Variants in FRMD6 observed in about 807,000 individuals in gnomAD.
FRMD6 encodes the protein FERM domain containing 6.
In FRMD6, 37 loss-of-function variants were observed where a neutral mutation model predicts 73.2. The ratio of observed to expected loss-of-function variants is 0.51; its 90% CI spans 0.39 to 0.66. FRMD6 has a LOEUF of 0.66. FRMD6 is among the 30% of genes least tolerant of loss of function. The pLI, the probability that FRMD6 is intolerant of heterozygous loss-of-function variation, is 0.00. For missense variants in FRMD6, 714 were observed against 780.5 expected (o/e 0.91, Z 1.02); for synonymous variants, 273 against 282.2 (o/e 0.97, Z 0.33).
intron 1 of FRMD6, among the ~76,000 whole-genome samples, chr14:51,493,664 C>T (rs376688186): frequency 6.0e-4 from 92 of 152,184 alleles, no homozygotes; most frequent in Admixed American, 4.6e-3. Context: ...AACTAATACA[C>T]GAGGAAATGT....
chr14:51,639,831 A>G (rs548170863), intron 2 of FRMD6, among the ~76,000 whole-genome samples: 27 of 152,340 alleles, frequency 1.8e-4, no homozygotes, highest in Non-Finnish European at 2.9e-4. Context: ...AGAGATATCT[A>G]TTAGGCAGCA....
At chr14:51,559,395 T>C (rs1412567721) in intron 1 of FRMD6, among the ~76,000 whole-genome samples, 1 of 152,186 alleles carries the variant, frequency 6.6e-6, no homozygotes, top group Non-Finnish European at 1.5e-5. Context: ...GAGTGCACGT[T>C]AACAAGCAGA....
intron 2 of FRMD6, among the ~76,000 whole-genome samples, chr14:51,598,461 A>T (rs997410080): frequency 6.6e-6 from 1 of 152,166 alleles, no homozygotes. Flanking sequence ...TTTGTTAAGT[A>T]GGCATATTGT....
chr14:51,503,450 T>A (rs1883737345), intron 1 of FRMD6, among the ~76,000 whole-genome samples: 1 of 152,134 alleles, frequency 6.6e-6, no homozygotes, highest in Admixed American at 6.6e-5. Flanking sequence ...TAGGTGCCTA[T>A]TCTAAATAGG....
At chr14:51,497,477 C>G (rs538584049) in intron 1 of FRMD6, among the ~76,000 whole-genome samples, 27 of 152,122 alleles carry the variant, frequency 1.8e-4, no homozygotes, top group Non-Finnish European at 3.7e-4. Context: ...GGACAGGCCT[C>G]TCTCTACTAA....
At chr14:51,517,246 C>T (rs1000341537) in intron 1 of FRMD6, among the ~76,000 whole-genome samples, 23 of 152,130 alleles carry the variant, frequency 1.5e-4, no homozygotes, top group African/African-American at 5.3e-4. Context: ...TTGACCAATC[C>T]GGTTTGGTTA....
chr14:51,456,139 T>A, the FRMD6 span, among the ~76,000 whole-genome samples: 19 of 152,340 alleles, frequency 1.2e-4, no homozygotes, highest in African/African-American at 4.1e-4. Context: ...TTTCTTTTTC[T>A]CTTTTTTTCT....
chr14:51,690,605 C>T (rs561228343), intron 2 of FRMD6, among the ~76,000 whole-genome samples: 20 of 152,250 alleles, frequency 1.3e-4, no homozygotes, highest in East Asian at 5.8e-4. Context: ...AGGCTGGTCT[C>T]GAACTCCTGA....
intron 1 of FRMD6, among the ~76,000 whole-genome samples, chr14:51,565,603 T>C (rs2139545221): frequency 6.6e-6 from 1 of 152,184 alleles, no homozygotes; most frequent in African/African-American, 2.4e-5. Flanking sequence ...CGGTGGTAGT[T>C]GTGGGTCGTC....
the FRMD6 span, among the ~76,000 whole-genome samples, chr14:51,416,077 A>G: frequency 6.6e-6 from 1 of 151,764 alleles, no homozygotes; most frequent in African/African-American, 2.4e-5. Context: ...TAATCTATCA[A>G]TTTTGTTGAT....
upstream of FRMD6, chr14:51,651,889 C>G (rs1892423547): frequency 6.6e-6 from 1 of 151,678 alleles, no homozygotes; most frequent in East Asian, 2.0e-4. Context: ...GCCCCTCTGG[C>G]TGGCGGGGCC....
the FRMD6 span, among the ~76,000 whole-genome samples, chr14:51,433,162 C>T: frequency 6.6e-6 from 1 of 152,180 alleles, no homozygotes; most frequent in Admixed American, 6.5e-5. Flanking sequence ...TGTGCGTTTA[C>T]TGTTTGACTC....
At chr14:51,564,566 G>A (rs765844714) in intron 1 of FRMD6, among the ~76,000 whole-genome samples, 3 of 152,176 alleles carry the variant, frequency 2.0e-5, no homozygotes, top group Admixed American at 1.3e-4. Context: ...TTGACAGAGA[G>A]AGATTATGGA....
chr14:51,616,548 C>CA (rs952135412), intron 2 of FRMD6, among the ~76,000 whole-genome samples: 1 of 152,120 alleles, frequency 6.6e-6, no homozygotes, highest in Non-Finnish European at 1.5e-5. Flanking sequence ...AGGGATGCTC[C>CA]TTTTTTCCTC....
the FRMD6 span, among the ~76,000 whole-genome samples, chr14:51,418,608 C>T: frequency 1.3e-5 from 2 of 152,250 alleles, no homozygotes; most frequent in Admixed American, 1.3e-4. Context: ...TGGGAGGTCT[C>T]TCCCAGTTAG....
chr14:51,431,459 A>T, the FRMD6 span, among the ~76,000 whole-genome samples: 1 of 152,254 alleles, frequency 6.6e-6, no homozygotes, highest in Non-Finnish European at 1.5e-5. Flanking sequence ...GAAAAGTTTG[A>T]AACATTTTTG....
upstream of FRMD6, among the ~76,000 whole-genome samples, chr14:51,486,938 T>A (rs944899599): frequency 3.2e-5 from 1 of 31,456 alleles, no homozygotes; most frequent in African/African-American, 1.2e-4. Context: ...ATAAAACCGT[T>A]TTTTTTTTTT....
intron 1 of FRMD6, among the ~76,000 whole-genome samples, chr14:51,514,353 G>C (rs1241474948): frequency 1.3e-5 from 2 of 151,944 alleles, no homozygotes; most frequent in Non-Finnish European, 2.9e-5. Context: ...TTGGGGGTTA[G>C]GGGGCAAGGG....
At chr14:51,429,346 T>G in the FRMD6 span, among the ~76,000 whole-genome samples, 3 of 152,194 alleles carry the variant, frequency 2.0e-5, no homozygotes, top group Non-Finnish European at 2.9e-5. Flanking sequence ...CAGCAGTAGA[T>G]AATCAGAACT....
Sources: allele counts gnomAD v4.1 joint callset (sites outside exome capture counted in the v4.1 genomes callset), GRCh38; gene constraint gnomAD v4.1.1; transcripts MANE v1.5; gene names NCBI Gene and HGNC (gene_info 2026-07-23, HGNC 2026-07-21).